UNC45A: variants seen among roughly 807,000 people sequenced by gnomAD.
UNC45A encodes unc-45 myosin chaperone A, also known as protein unc-45 homolog A.
A neutral mutation model predicts 103.2 loss-of-function variants in UNC45A; 78 were observed. The observed-to-expected ratio is 0.76, with a 90% CI of 0.63 to 0.91. The LOEUF (loss-of-function observed/expected upper bound fraction) is 0.91. Among genes scored for constraint, UNC45A ranks in the 40% least tolerant of loss-of-function variants. UNC45A has a pLI of 0.00. For missense variants in UNC45A, 1,193 were observed against 1,224.8 expected (o/e 0.97, Z 0.39); for synonymous variants, 495 against 504.6 (o/e 0.98, Z 0.25).
upstream of UNC45A, chr15:90,935,252 G>T (rs1459993705): frequency 2.1e-6 from 3 of 1,449,300 alleles, no homozygotes; most frequent in East Asian, 2.5e-5. Context: ...GGCAGCTGCC[G>T]GTGGCGTCCC....
chr15:90,950,760 C>T lies in UNC45A; in HGVS notation c.2303+145C>T, dbSNP rs553748488. 145 of 831,802 alleles carry T rather than the reference C, an allele frequency of 1.7e-4. No homozygotes were observed. The Middle Eastern group carries it at 1.8e-3, about 10-fold the overall frequency. The allele number at this position is 831,802 out of a possible 1,614,324, so 51.5% of individuals were successfully genotyped here. On this transcript the variant is annotated intron_variant, in intron 17 of 19. Coordinates refer to ENST00000418476, the MANE Select transcript of UNC45A (RefSeq NM_018671.5). ...CTGCTCCGCATCATTAGAGAGGAGGCGACAGGCCAAGAGGCAGCACGGCAC... is the reference window on the plus strand; with the variant it reads ...CTGCTCCGCATCATTAGAGAGGAGGTGACAGGCCAAGAGGCAGCACGGCAC...
At chr15:90,950,075 A>G (rs137952871) in intron 15 of UNC45A, 79 bp from the exon 16 acceptor site, 2 of 1,379,100 alleles carry the variant, frequency 1.5e-6, no homozygotes, top group Non-Finnish European at 2.0e-6. Context: ...TGAGGGTGGC[A>G]CGGTCAGGGC....
chr15:90,951,865 T>C (rs1009357698), intron 17 of UNC45A, among the ~76,000 whole-genome samples: 2 of 152,086 alleles, frequency 1.3e-5, no homozygotes, highest in East Asian at 3.8e-4. Context: ...GCTACAGCAG[T>C]GAGCTGTGAT....
At chr15:90,944,065 A>G (rs529029155) in intron 8 of UNC45A, among the ~76,000 whole-genome samples, 47 of 138,470 alleles carry the variant, frequency 3.4e-4, no homozygotes, top group African/African-American at 1.3e-3. Context: ...AACGGTAGAT[A>G]TATCAATTCA....
chr15:90,944,336 G>A (rs542835523), intron 8 of UNC45A, among the ~76,000 whole-genome samples: 1 of 152,092 alleles, frequency 6.6e-6, no homozygotes, highest in East Asian at 1.9e-4. Context: ...GCAGTGAGCC[G>A]AGATCGCGCC....
chr15:90,952,834 C>T, intron 17 of UNC45A, 95 bp from the exon 18 acceptor site: 1 of 1,190,216 alleles, frequency 8.4e-7, no homozygotes, highest in Non-Finnish European at 1.2e-6. Flanking sequence ...CCCACCAGGC[C>T]CTACCTCCAA....
At chr15:90,936,191 CCTT>C (rs2036008768) in intron 3 of UNC45A, 91 bp from the exon 4 acceptor site, 3 of 1,536,444 alleles carry the variant, frequency 2.0e-6, no homozygotes. Context: ...GTCCCCCCCA[CCTT>C]CTTCTGGCCT....
At chr15:90,943,986 G>GTT (rs953436599) in intron 8 of UNC45A, among the ~76,000 whole-genome samples, 6,316 of 78,368 alleles carry the variant, frequency 0.081, 970 homozygotes, top group East Asian at 0.32. Context: ...ATTGTGCCCT[G>GTT]TTTTTTTTTT....
chr15:90,939,728 T>G lies in UNC45A; in HGVS notation c.427-3T>G. 6.2e-7 allele frequency: 1 copy of G among 1,614,134 alleles called. No individual in the cohort carries two copies. Among genetic ancestry groups the G allele is most frequent in the Non-Finnish European group, 8.5e-7 (1 of 1,179,998 alleles). On this transcript the variant is annotated splice_region_variant and splice_polypyrimidine_tract_variant and intron_variant, in intron 4 of 19. Coordinates refer to ENST00000418476, the MANE Select transcript of UNC45A (RefSeq NM_018671.5). ...TTGTTCCATGCTTTGTTGGTTTGTC[T>G]AGGTGCGATACATGTCCTCGACGGA...
In UNC45A at chr15:90,950,247, A is replaced by G. The variant is rs1015280276; in HGVS notation, c.2167A>G (p.Met723Val). 6.4e-7 allele frequency: 1 copy of G among 1,551,592 alleles called. No homozygotes were observed. The highest frequency in any genetic ancestry group is 1.4e-5 in the African/African-American group (1 of 73,050). ...AKLTITSNPEMTFPGERIYEV... is the reference protein window; with the variant it reads ...AKLTITSNPEVTFPGERIYEV... ...GCTCACCATCACCTCCAACCCGGAG[A>G]TGACCTTCCCTGGCGAGCGGGTACG... The change falls in exon 16 of 20, where the codon ATG becomes GTG. Residue 723 changes from methionine (M) to valine (V), a missense_variant. Met to Val is a conservative substitution (Grantham distance 21). Transcript: ENST00000418476.
chr15:90,951,282 G>A (rs1404704498), intron 17 of UNC45A, among the ~76,000 whole-genome samples: 1 of 152,234 alleles, frequency 6.6e-6, no homozygotes, highest in Non-Finnish European at 1.5e-5. Context: ...TGGGATTACA[G>A]GTGTGAGCCA....
intron 5 of UNC45A, 133 bp from the exon 6 acceptor site, chr15:90,940,173 G>T: frequency 1.0e-6 from 1 of 957,936 alleles, no homozygotes; most frequent in South Asian, 1.7e-5. Context: ...CTTCAAAGAG[G>T]TTATTTTTTG....
At chr15:90,939,550 G>A (rs1040184595) in intron 4 of UNC45A, among the ~76,000 whole-genome samples, 181 bp from the exon 5 acceptor site, 3 of 152,206 alleles carry the variant, frequency 2.0e-5, no homozygotes, top group African/African-American at 4.8e-5. Context: ...AAACAGGTGC[G>A]GGAAATTTAG....
At position 90,950,252 on chromosome 15, in the gene UNC45A, C is replaced by T; in HGVS notation, c.2172C>T (p.Thr724=). 1 of 1,551,768 alleles carries T rather than the reference C, an allele frequency of 6.4e-7. No individual in the cohort carries two copies. Among genetic ancestry groups the T allele is most frequent in the Non-Finnish European group, 8.7e-7 (1 of 1,146,992 alleles). The part of the protein sequence containing the change: ...KLTITSNPEM[T]FPGERIYEVV... ...CCATCACCTCCAACCCGGAGATGAC[C>T]TTCCCTGGCGAGCGGGTACGTGTCT... The change falls in exon 16 of 20, where the codon ACC becomes ACT. Residue 724 remains threonine, a synonymous_variant. Transcript: ENST00000418476.
At chr15:90,952,700 C>T in intron 17 of UNC45A, 1 of 526,950 alleles carries the variant, frequency 1.9e-6, no homozygotes, top group South Asian at 2.2e-5. Context: ...GCTGGGATTA[C>T]AGGCGTGAGC....
chr15:90,943,517 T>A (rs2151364064), intron 8 of UNC45A, among the ~76,000 whole-genome samples: 1 of 152,030 alleles, frequency 6.6e-6, no homozygotes, highest in Non-Finnish European at 1.5e-5. Flanking sequence ...AGGAGGATGC[T>A]GGAGCTGAGA....
intron 14 of UNC45A, 36 bp from the exon 15 acceptor site, chr15:90,949,618 C>T: frequency 6.2e-7 from 1 of 1,612,924 alleles, no homozygotes; most frequent in Non-Finnish European, 8.5e-7. Flanking sequence ...GCCAGAGTCC[C>T]AGAGCTGCCT....
chr15:90,949,819 C>A, intron 15 of UNC45A, 99 bp downstream of exon 15: 1 of 1,285,370 alleles, frequency 7.8e-7, no homozygotes, highest in Non-Finnish European at 1.1e-6. Context: ...AGATATGGAA[C>A]AGAAAAACAT....
intron 16 of UNC45A, 36 bp from the exon 17 acceptor site, chr15:90,950,464 G>A (rs371506231): frequency 3.3e-5 from 53 of 1,605,026 alleles, no homozygotes; most frequent in Middle Eastern, 1.7e-4. Context: ...TGGGGGCTGC[G>A]GCAAGTACCC....
Sources: gnomAD v4.1 joint callset for allele counts (sites outside exome capture counted in the v4.1 genomes callset) on GRCh38, gnomAD v4.1.1 for gene constraint, MANE v1.5 for transcripts, NCBI Gene and HGNC (gene_info 2026-07-23, HGNC 2026-07-21) for gene names.